The following VENTX variants were observed in gnomAD, a reference collection of about 807,000 sequenced individuals.
VENTX encodes the protein VENT homeobox, also known as homeobox protein VENTX.
Under a neutral mutation model 10.5 loss-of-function variants are expected in VENTX, and 13 were observed. The ratio of observed to expected loss-of-function variants is 1.23; its 90% CI spans 0.80 to 1.96. The LOEUF is 1.96. VENTX is among the 30% of genes most tolerant of loss of function. VENTX has a pLI of 0.00. For synonymous variants in VENTX, 177 were observed against 150.4 expected, an observed-to-expected ratio of 1.18 and a Z score of -1.29; for missense variants, 400 against 341.8, an observed-to-expected ratio of 1.17 and a Z score of -1.34.
At chr10:133,238,448 C>T (rs531134436) in intron 1 of VENTX, among the ~76,000 whole-genome samples, 1 of 152,280 alleles carries the variant, frequency 6.6e-6, no homozygotes, top group South Asian at 2.1e-4. Flanking sequence ...GGCCTGGTGC[C>T]GAGGGACCGT....
chr10:133,240,463 T>C lies in VENTX; in HGVS notation c.*157T>C. 5.6e-6 allele frequency: 3 copies of C among 535,844 alleles called. No homozygotes were observed. The highest frequency in any genetic ancestry group is 8.5e-6 in the Non-Finnish European group (3 of 351,718). The allele number at this position is 535,844 out of a possible 1,614,324, so 33.2% of individuals were successfully genotyped here. A position where few individuals can be genotyped will look rare whatever the true frequency, so the allele number is the denominator to read the frequency against. ...TGGAGAATATATATAAATATATATA[T>C]GTACGTATATATGTAAATACACATA... is the stretch of plus-strand genomic sequence containing the variant. On this transcript the variant is annotated 3_prime_UTR_variant, in exon 3 of 3. Coordinates refer to ENST00000325980, the MANE Select transcript of VENTX (RefSeq NM_014468.4).
Position 133,240,120 on chromosome 10 carries a change from G to GC in VENTX, c.596dup (p.Gly200TrpfsTer65). 6.2e-7 allele frequency: 1 copy of GC among 1,610,274 alleles called. No individual in the cohort carries two copies. The highest frequency in any genetic ancestry group is 8.5e-7 in the Non-Finnish European group (1 of 1,179,974). On this transcript the variant is annotated frameshift_variant, in exon 3 of 3. Transcript: ENST00000325980. LOFTEE classifies it low-confidence loss of function (END_TRUNC). ...TGTCCGGGCCCCAGGCTCTGATGCT[G>GC]CCCCCTGGCTCCTTCTGGGGTCTCT...
At position 133,240,536 on chromosome 10, in the gene VENTX, ATATTTTT is replaced by A. The variant is rs1845921491; in HGVS notation, c.*232_*238del. ...TACATATGTGTGTGTATATATATAT[ATATTTTT>A]TTTTTTTTTTTTTTTTTTGAGACGG... On this transcript the variant is annotated 3_prime_UTR_variant, in exon 3 of 3. Coordinates refer to ENST00000325980, the MANE Select transcript of VENTX (RefSeq NM_014468.4). The A allele has an allele frequency of 1.4e-5, 1 of 69,552 alleles. No individual in the cohort carries two copies. The highest frequency in any genetic ancestry group is 8.4e-4 in the South Asian group (1 of 1,192). 4.3% of individuals were successfully genotyped at this position (69,552 alleles called of 1,614,324 possible).
Position 133,239,676 on chromosome 10 carries a change from G to A in VENTX, c.242G>A (p.Gly81Glu), listed in dbSNP as rs1028610680. The A allele has an allele frequency of 1.2e-6, 2 of 1,611,064 alleles. No homozygotes were observed. The highest frequency in any genetic ancestry group is 2.2e-5 in the East Asian group (1 of 44,872). ...NLPAPERTMA[G>E]LSKEPNTLRA... Reference sequence around the variant, plus strand: ...CAAATGCCCTTACCCTCTATGTCAGGGTTGAGTAAGGAGCCAAATACCTTG... The same window carrying A: ...CAAATGCCCTTACCCTCTATGTCAGAGTTGAGTAAGGAGCCAAATACCTTG... The change falls in exon 2 of 3, where the codon GGG (glycine) becomes GAG (glutamate). Residue 81 changes from glycine to glutamate, a missense_variant and splice_region_variant. By Grantham distance (98) the Gly-to-Glu change is moderately conservative. Transcript: ENST00000325980.
chr10:133,238,413 C>G (rs1330446545), intron 1 of VENTX, among the ~76,000 whole-genome samples: 1 of 152,332 alleles, frequency 6.6e-6, no homozygotes, highest in East Asian at 1.9e-4. Flanking sequence ...CCCCGTTCCT[C>G]AGCTGTGTCT....
intron 1 of VENTX, 36 bp downstream of exon 1, chr10:133,238,191 G>C (rs1439997174): frequency 6.4e-7 from 1 of 1,552,548 alleles, no homozygotes; most frequent in South Asian, 1.2e-5. Flanking sequence ...TCCTTCCCAG[G>C]TGGAGATGGG....
intron 1 of VENTX, among the ~76,000 whole-genome samples, chr10:133,239,182 G>A (rs1162097327): frequency 6.6e-6 from 1 of 152,190 alleles, no homozygotes; most frequent in Non-Finnish European, 1.5e-5. Context: ...CACCTCGTGG[G>A]GCCGTTTGGT....
chr10:133,239,618 C>T (rs1845900090), intron 1 of VENTX, 58 bp from the exon 2 acceptor site: 5 of 1,592,544 alleles, frequency 3.1e-6, no homozygotes, highest in African/African-American at 1.3e-5. Flanking sequence ...TACCCGTGGG[C>T]ACGAGCTTGC....
chr10:133,239,288 G>C (rs940717712), intron 1 of VENTX, among the ~76,000 whole-genome samples: 1 of 149,782 alleles, frequency 6.7e-6, no homozygotes, highest in Non-Finnish European at 1.5e-5. Context: ...CTGAGGAGAC[G>C]GAGCCCGGGA....
intron 1 of VENTX, among the ~76,000 whole-genome samples, chr10:133,238,965 C>G (rs71484066): frequency 2.0e-5 from 3 of 152,236 alleles, no homozygotes; most frequent in Non-Finnish European, 4.4e-5. Flanking sequence ...AACCCCCTTT[C>G]TGATGCCAGT....
rs879073089 is a variant in VENTX, at chr10:133,240,516, A to ATG, written c.*218_*219dup. 0.022 allele frequency: 2,606 copies of ATG among 117,720 alleles called. 84 individuals are homozygous for ATG. Among genetic ancestry groups the ATG allele is most frequent in the African/African-American group, 0.1 (2,336 of 22,442 alleles). 7.3% of individuals were successfully genotyped at this position (117,720 alleles called of 1,614,324 possible). A position where few individuals can be genotyped will look rare whatever the true frequency, so the allele number is the denominator to read the frequency against. ...CGTATATATAAATATATATATACAT[A>ATG]TGTGTGTGTATATATATATATATTT... On this transcript the variant is annotated 3_prime_UTR_variant, in exon 3 of 3. Coordinates refer to ENST00000325980, the MANE Select transcript of VENTX (RefSeq NM_014468.4).
chr10:133,240,282 G>A lies in VENTX; in HGVS notation c.753G>A (p.Met251Ile). 6.3e-7 allele frequency: 1 copy of A among 1,590,968 alleles called. No individual in the cohort carries two copies. The highest frequency in any genetic ancestry group is 8.6e-7 in the Non-Finnish European group (1 of 1,166,650). ...CGGGGCCCCGGGGCCTGTGTGCTAT[G>A]CCACAGACGGGGGATGCATTTTGAG... ...LSTGPRGLCA[M>I]PQTGDAF is the part of the protein sequence containing the mutation. The change falls in exon 3 of 3, where the codon ATG becomes ATA. Residue 251 changes from methionine (M) to isoleucine (I), a missense_variant. Physicochemically the swap from Met to Ile is conservative, Grantham distance 10. Transcript: ENST00000325980.
intron 1 of VENTX, among the ~76,000 whole-genome samples, chr10:133,238,434 C>T (rs1394816819): frequency 6.6e-6 from 1 of 152,214 alleles, no homozygotes; most frequent in East Asian, 1.9e-4. Context: ...TCGTCCCCCA[C>T]CCCGGCCTGG....
At chr10:133,238,635 T>C (rs537636167) in intron 1 of VENTX, among the ~76,000 whole-genome samples, 1 of 152,112 alleles carries the variant, frequency 6.6e-6, no homozygotes, top group South Asian at 2.1e-4. Flanking sequence ...GCCTGCAGGT[T>C]CGCTGCAGGG....
In VENTX at chr10:133,241,087, T is replaced by C. The variant is rs1845930061; in HGVS notation, c.*781T>C. On this transcript the variant is annotated 3_prime_UTR_variant, in exon 3 of 3. Transcript: ENST00000325980. ...CAAAAGAAAACAGGGAATGCAGGTGTGTTTATAGCGTTGTGGTTCAAGTCC... is the reference window on the plus strand; with the variant it reads ...CAAAAGAAAACAGGGAATGCAGGTGCGTTTATAGCGTTGTGGTTCAAGTCC... 6.6e-6 allele frequency: 1 copy of C among 152,226 alleles called. No homozygotes were observed. Among genetic ancestry groups the C allele is most frequent in the Non-Finnish European group, 1.5e-5 (1 of 68,044 alleles). 9.4% of individuals were successfully genotyped at this position (152,226 alleles called of 1,614,324 possible).
rs746659419 is a variant in VENTX, at chr10:133,240,044, C to A, written c.515C>A (p.Thr172Lys). The part of the protein sequence containing the change: ...SLHAPPAFYS[T>K]SSGLANGLQL... ...CATGCGCCCCCAGCTTTCTACTCAA[C>A]GTCTTCTGGCCTTGCCAATGGCCTG... The change falls in exon 3 of 3, where the codon ACG becomes AAG. Residue 172 changes from threonine to lysine, a missense_variant. Coordinates refer to ENST00000325980, the MANE Select transcript of VENTX (RefSeq NM_014468.4). The A allele has an allele frequency of 1.2e-6, 2 of 1,611,970 alleles. No homozygotes were observed. The highest frequency in any genetic ancestry group is 1.3e-5 in the African/African-American group (1 of 75,004).
rs1429927172 is a variant in VENTX, at chr10:133,240,732, A to G, written c.*426A>G. 1 of 151,774 alleles carries G rather than the reference A, an allele frequency of 6.6e-6. No individual in the cohort carries two copies. The highest frequency in any genetic ancestry group is 6.6e-5 in the Admixed American group (1 of 15,222). The allele number at this position is 151,774 out of a possible 1,614,324, so 9.4% of individuals were successfully genotyped here. A position where few individuals can be genotyped will look rare whatever the true frequency, so the allele number is the denominator to read the frequency against. On this transcript the variant is annotated 3_prime_UTR_variant, in exon 3 of 3. Transcript: ENST00000325980. ...CTAATTTTTTCTATTTTTAGTAGAA[A>G]TGGGGTTTCACCATGTTAGCCAGGC...
rs118070503 is a variant in VENTX, at chr10:133,239,403, T to A, written c.242-273T>A. On this transcript the variant is annotated intron_variant, in intron 1 of 2. Transcript: ENST00000325980. ...GAAGGGCATCCTGGGAACCGGCTTC[T>A]GGAAGGGAAGTGTGGGATGGGGCGG... Among the ~76,000 whole-genome samples, 737 of 152,336 alleles carry A rather than the reference T, an allele frequency of 4.8e-3. 3 individuals carry two copies. Among genetic ancestry groups the A allele is most frequent in the Non-Finnish European group, 8.7e-3 (589 of 68,030 alleles).
intron 1 of VENTX, 52 bp from the exon 2 acceptor site, chr10:133,239,624 C>T (rs2136051349): frequency 6.2e-7 from 1 of 1,602,764 alleles, no homozygotes; most frequent in South Asian, 1.1e-5. Context: ...TGGGCACGAG[C>T]TTGCCCCATG....
Sources: allele counts gnomAD v4.1 joint callset (sites outside exome capture counted in the v4.1 genomes callset), GRCh38; gene constraint gnomAD v4.1.1; transcripts MANE v1.5; gene names NCBI Gene and HGNC (gene_info 2026-07-23, HGNC 2026-07-21).